The following EFCAB6 variants were observed in gnomAD, a reference collection of about 807,000 sequenced individuals.
EFCAB6 encodes EF-hand calcium-binding domain-containing protein 6.
Under a neutral mutation model 169.8 loss-of-function variants are expected in EFCAB6, and 156 were observed. The observed-to-expected ratio is 0.92, with a 90% CI of 0.81 to 1.05. The LOEUF (loss-of-function observed/expected upper bound fraction) is 1.05, where lower values mean the gene tolerates loss of function less well. EFCAB6 is among the 50% of genes least tolerant of loss of function. The pLI, the probability that EFCAB6 is intolerant of heterozygous loss-of-function variation, is 0.00. For missense variants in EFCAB6, 1,800 were observed against 1,829.1 expected (o/e 0.98, Z 0.29); for synonymous variants, 698 against 676.4 (o/e 1.03, Z -0.50).
At chr22:43,673,532 T>C (rs1344746906) in intron 13 of EFCAB6, among the ~76,000 whole-genome samples, 13 of 152,128 alleles carry the variant, frequency 8.5e-5, no homozygotes, top group Admixed American at 7.9e-4. Flanking sequence ...TCCCAACACT[T>C]TGGGAGGCCA....
At chr22:43,558,934 G>A (rs1173724422) in intron 26 of EFCAB6, among the ~76,000 whole-genome samples, 1 of 152,130 alleles carries the variant, frequency 6.6e-6, no homozygotes, top group African/African-American at 2.4e-5. Context: ...ATGCCTGTAT[G>A]AAGAAATGCC....
chr22:43,769,438 T>A (rs1405834935), intron 4 of EFCAB6, among the ~76,000 whole-genome samples: 1 of 152,110 alleles, frequency 6.6e-6, no homozygotes, highest in African/African-American at 2.4e-5. Flanking sequence ...TATGAATATA[T>A]GAAAAACACC....
chr22:43,765,913 T>C (rs2061312996), intron 4 of EFCAB6, among the ~76,000 whole-genome samples: 1 of 152,212 alleles, frequency 6.6e-6, no homozygotes, highest in Non-Finnish European at 1.5e-5. Flanking sequence ...CAATGTTTAA[T>C]TTGCTGACAT....
At chr22:43,651,541 C>G (rs933970920) in intron 17 of EFCAB6, among the ~76,000 whole-genome samples, 3 of 152,276 alleles carry the variant, frequency 2.0e-5, no homozygotes, top group African/African-American at 7.2e-5. Context: ...GGCCCCCACA[C>G]AGAGTCCCTA....
intron 17 of EFCAB6, among the ~76,000 whole-genome samples, chr22:43,660,666 A>C (rs899714252): frequency 3.3e-5 from 5 of 152,258 alleles, no homozygotes; most frequent in African/African-American, 1.2e-4. Flanking sequence ...GGCAGTATCT[A>C]AGAAAGAACT....
chr22:43,752,841 T>A (rs1225142414), intron 6 of EFCAB6, among the ~76,000 whole-genome samples: 1 of 152,108 alleles, frequency 6.6e-6, no homozygotes, highest in African/African-American at 2.4e-5. Flanking sequence ...GTCTTCGGTT[T>A]CTCATAAGGG....
At chr22:43,623,104 G>A (rs538740913) in intron 20 of EFCAB6, among the ~76,000 whole-genome samples, 6 of 152,300 alleles carry the variant, frequency 3.9e-5, no homozygotes, top group Admixed American at 1.3e-4. Context: ...GACACTGATC[G>A]TATCAGCTGA....
chr22:43,606,258 G>A (rs2052910236), intron 22 of EFCAB6, among the ~76,000 whole-genome samples: 1 of 152,196 alleles, frequency 6.6e-6, no homozygotes, highest in African/African-American at 2.4e-5. Flanking sequence ...GCCTTCAGAG[G>A]TCCTGACAGG....
intron 24 of EFCAB6, among the ~76,000 whole-genome samples, chr22:43,588,402 T>A (rs1324643075): frequency 9.9e-5 from 15 of 151,354 alleles, no homozygotes; most frequent in Admixed American, 9.9e-4. Context: ...GAAACAAGAG[T>A]AGGATGTTAT....
rs1457332598 is a variant in EFCAB6 at position 43,589,670 on chromosome 22, C to A, written c.3032+404G>T. The stretch of plus-strand genomic sequence containing the variant: ...AGGCGTGGTGGTGTACACCTGTAAT[C>A]CCAGCTACTTGGGAGCCTGAGGCAC... On this transcript the variant is annotated intron_variant, in intron 24 of 31. Coordinates refer to ENST00000262726, the MANE Select transcript of EFCAB6 (RefSeq NM_022785.4). Among the ~76,000 whole-genome samples the A allele has an allele frequency of 2.6e-5, 4 of 152,114 alleles. No homozygotes were observed. In the East Asian group the frequency reaches 7.7e-4, roughly 29 times the overall value.
intron 17 of EFCAB6, among the ~76,000 whole-genome samples, chr22:43,657,807 G>A (rs2056820018): frequency 6.6e-6 from 1 of 152,128 alleles, no homozygotes; most frequent in Non-Finnish European, 1.5e-5. Context: ...ACAACACAAA[G>A]TTGTGATTTT....
intron 7 of EFCAB6, 103 bp downstream of exon 7, chr22:43,735,754 G>T: frequency 1.5e-6 from 2 of 1,330,882 alleles, no homozygotes; most frequent in Non-Finnish European, 1.0e-6. Context: ...GTGTGGCAGG[G>T]GGAGGTGAGA....
At chr22:43,616,325 G>C (rs746315934) in intron 20 of EFCAB6, among the ~76,000 whole-genome samples, 29 of 152,198 alleles carry the variant, frequency 1.9e-4, no homozygotes, top group Non-Finnish European at 3.8e-4. Flanking sequence ...AACATTGGGG[G>C]AACTTCTCAG....
intron 22 of EFCAB6, among the ~76,000 whole-genome samples, chr22:43,606,545 C>T (rs1486914693): frequency 6.6e-6 from 1 of 152,230 alleles, no homozygotes; most frequent in African/African-American, 2.4e-5. Flanking sequence ...GGAACATCAT[C>T]TACTGCTTTG....
rs141608320 is a variant in EFCAB6, at chr22:43,661,587, T to C, written c.1983+5517A>G. Among the ~76,000 whole-genome samples, 623 of 152,228 alleles carry C rather than the reference T, an allele frequency of 4.1e-3. 3 individuals are homozygous for C. Among genetic ancestry groups the C allele is most frequent in the Non-Finnish European group, 7.0e-3 (473 of 68,016 alleles). On this transcript the variant is annotated intron_variant, in intron 17 of 31. Coordinates refer to ENST00000262726, the MANE Select transcript of EFCAB6 (RefSeq NM_022785.4). ...AACTACCCAGAACAGGTCTAGACAA[T>C]TCCAGAAAGAATAGCGCCCTTCTCC...
chr22:43,708,991 C>CA (rs1456125076), intron 10 of EFCAB6, among the ~76,000 whole-genome samples: 1 of 152,170 alleles, frequency 6.6e-6, no homozygotes, highest in Non-Finnish European at 1.5e-5. Flanking sequence ...TGGCCACCCT[C>CA]AACCCCCAAA....
At chr22:43,800,441 A>C (rs1242513665) in intron 2 of EFCAB6, among the ~76,000 whole-genome samples, 1 of 152,258 alleles carries the variant, frequency 6.6e-6, no homozygotes, top group African/African-American at 2.4e-5. Flanking sequence ...AAAAGACAGC[A>C]GCAAACAGAG....
intron 10 of EFCAB6, among the ~76,000 whole-genome samples, chr22:43,709,805 G>A (rs1296381411): frequency 6.6e-6 from 1 of 152,164 alleles, no homozygotes; most frequent in Non-Finnish European, 1.5e-5. Flanking sequence ...TGTGTAGACA[G>A]AACAAAAGAG....
At chr22:43,685,277 C>T (rs1277537423) in intron 11 of EFCAB6, among the ~76,000 whole-genome samples, 1 of 152,006 alleles carries the variant, frequency 6.6e-6, no homozygotes, top group African/African-American at 2.4e-5. Context: ...TGGTAAAGCA[C>T]TGTGTTGGGC....
Sources: allele counts gnomAD v4.1 joint callset (sites outside exome capture counted in the v4.1 genomes callset), GRCh38; gene constraint gnomAD v4.1.1; transcripts MANE v1.5; gene names NCBI Gene and HGNC (gene_info 2026-07-23, HGNC 2026-07-21).